The following BRIP1 variants were observed in gnomAD, a reference collection of about 807,000 sequenced individuals.
BRIP1 encodes the protein BRCA1 interacting DNA helicase 1, also known as Fanconi anemia group J protein.
In BRIP1, 88 loss-of-function variants were observed where a neutral mutation model predicts 119.7. That is an observed-to-expected ratio of 0.74 (90% CI 0.62 to 0.88). The LOEUF (loss-of-function observed/expected upper bound fraction) is 0.88, where lower values mean the gene tolerates loss of function less well. Ranked by LOEUF, BRIP1 falls within the 40% of genes least tolerant of loss-of-function variation. The pLI, the probability that BRIP1 is intolerant of heterozygous loss-of-function variation, is 0.00. For synonymous variants in BRIP1, 443 were observed against 496.5 expected (o/e 0.89, Z 1.43); for missense variants, 1,259 against 1,455.4 (o/e 0.87, Z 2.20).
Position 61,798,803 on chromosome 17 carries a change from G to A in BRIP1, c.1340+297C>T, listed in dbSNP as rs542040961. 1.7e-4 allele frequency among the ~76,000 whole-genome samples: 26 copies of A among 152,022 alleles called. No homozygotes were observed. The highest frequency in any genetic ancestry group is 2.7e-4 in the Non-Finnish European group (18 of 67,918). ...TTTAAAATATATTAATTAAAAGCAC[G>A]TTTAGTTTCTGGTTCAATATCCTAG... On this transcript the variant is annotated intron_variant, in intron 9 of 19. Coordinates refer to ENST00000259008, the MANE Select transcript of BRIP1 (RefSeq NM_032043.3). This position sits in a 1 kb window ranked among gnomAD's most constrained non-coding sequence, Gnocchi z 5.5.
In BRIP1 at chr17:61,770,714, A is replaced by G. The variant is rs1009055957; in HGVS notation, c.2097+5687T>C. 1.3e-5 allele frequency among the ~76,000 whole-genome samples: 2 copies of G among 152,194 alleles called. No homozygotes were observed. Among genetic ancestry groups the G allele is most frequent in the Non-Finnish European group, 2.9e-5 (2 of 68,026 alleles). ...ATCCAAACTACATAAGATGTTAAAT[A>G]TAATTCCTAGGACAACCACTAAGAA... On this transcript the variant is annotated intron_variant, in intron 14 of 19. Coordinates refer to ENST00000259008, the MANE Select transcript of BRIP1 (RefSeq NM_032043.3). This position sits in a 1 kb window ranked among gnomAD's most constrained non-coding sequence, Gnocchi z 4.7.
intron 10 of BRIP1, among the ~76,000 whole-genome samples, chr17:61,792,307 T>A (rs574541500): frequency 7.2e-5 from 11 of 152,192 alleles, no homozygotes; most frequent in Non-Finnish European, 1.6e-4. Context: ...AGTCTTACCA[T>A]ATAATACAAC....
At chr17:61,685,798 C>T (rs1381086832) in intron 19 of BRIP1, 38 bp downstream of exon 19, 2 of 1,498,716 alleles carry the variant, frequency 1.3e-6, no homozygotes, top group East Asian at 2.3e-5. Flanking sequence ...TAATGAAAGA[C>T]TTCTCTATCA....
In BRIP1 at chr17:61,768,803, C is replaced by A. The variant is rs575227129; in HGVS notation, c.2097+7598G>T. Among the ~76,000 whole-genome samples, 1 of 152,014 alleles carries A rather than the reference C, an allele frequency of 6.6e-6. No homozygotes were observed. The highest frequency in any genetic ancestry group is 2.1e-4 in the South Asian group (1 of 4,816). ...AGTAAAGATGAGGGGATTTTATGAA[C>A]GTAATTAAGGTCTACCTCAATTGAT... On this transcript the variant is annotated intron_variant, in intron 14 of 19. Transcript: ENST00000259008. The surrounding 1 kb of genome is among the most constrained non-coding windows in gnomAD (Gnocchi z 5.0).
At position 61,799,213 on chromosome 17, in the gene BRIP1, A is replaced by G. The variant is rs1555607150; in HGVS notation, c.1227T>C (p.Ser409=). The change falls in exon 9 of 20, where the codon AGT becomes AGC. Residue 409 remains serine (S), a synonymous_variant. Coordinates refer to ENST00000259008, the MANE Select transcript of BRIP1 (RefSeq NM_032043.3). The surrounding 1 kb of genome is among the most constrained non-coding windows in gnomAD (Gnocchi z 5.1). ...EDCARESASY[S]VTEVQLRFAR... is the part of the protein sequence containing the mutation. ...CAAACCGAAGCTGAACTTCTGTTACACTGTAACTTGCTGATTCCCGAGCAC... is the reference window on the plus strand; with the variant it reads ...CAAACCGAAGCTGAACTTCTGTTACGCTGTAACTTGCTGATTCCCGAGCAC... 5 of 1,613,564 alleles carry G rather than the reference A, an allele frequency of 3.1e-6. No individual in the cohort carries two copies. The highest frequency in any genetic ancestry group is 4.2e-6 in the Non-Finnish European group (5 of 1,179,610).
rs2061248659 is a variant in BRIP1 at position 61,679,334 on chromosome 17, T to C, written c.*3962A>G. On this transcript the variant is annotated 3_prime_UTR_variant, in exon 20 of 20. Transcript: ENST00000259008. This position sits in a 1 kb window ranked among gnomAD's most constrained non-coding sequence, Gnocchi z 4.4. ...GTGCATAGAAACATAGTAATAGTTT[T>C]ATAACACAATTCTAGACAGTTTTAA... Among the ~76,000 whole-genome samples the C allele has an allele frequency of 6.6e-6, 1 of 152,202 alleles. No individual in the cohort carries two copies. Among genetic ancestry groups the C allele is most frequent in the African/African-American group, 2.4e-5 (1 of 41,460 alleles).
Position 61,828,110 on chromosome 17 carries a change from T to G in BRIP1, c.627+18991A>C, listed in dbSNP as rs1363816104. Among the ~76,000 whole-genome samples the G allele has an allele frequency of 6.6e-6, 1 of 152,150 alleles. No homozygotes were observed. Among genetic ancestry groups the G allele is most frequent in the Non-Finnish European group, 1.5e-5 (1 of 68,030 alleles). Reference sequence around the variant, plus strand: ...CTCAAACAGATACGTACACCAATGTTCACAGCAGCATTATTCAAAATAGCA... The same window carrying G: ...CTCAAACAGATACGTACACCAATGTGCACAGCAGCATTATTCAAAATAGCA... On this transcript the variant is annotated intron_variant, in intron 6 of 19. Transcript: ENST00000259008. The surrounding 1 kb of genome is among the most constrained non-coding windows in gnomAD (Gnocchi z 4.1).
At chr17:61,838,478 G>A (rs1056723509) in intron 6 of BRIP1, among the ~76,000 whole-genome samples, 7 of 151,562 alleles carry the variant, frequency 4.6e-5, no homozygotes, top group East Asian at 3.9e-4. Context: ...CCCAGGAGGC[G>A]GAACTTGCAG....
chr17:61,853,075 A>G lies in BRIP1; in HGVS notation c.380-3819T>C, dbSNP rs1478005834. ...ATTAAACAATACTGAAAACAACCCA[A>G]TGCCTAACAACTGTAGAACAGATTA... On this transcript the variant is annotated intron_variant, in intron 4 of 19. Coordinates refer to ENST00000259008, the MANE Select transcript of BRIP1 (RefSeq NM_032043.3). The surrounding 1 kb of genome is among the most constrained non-coding windows in gnomAD (Gnocchi z 4.3). Among the ~76,000 whole-genome samples the G allele has an allele frequency of 6.6e-6, 1 of 152,224 alleles. No individual in the cohort carries two copies. The highest frequency in any genetic ancestry group is 1.5e-5 in the Non-Finnish European group (1 of 68,042).
chr17:61,784,339 CTAA>C lies in BRIP1; in HGVS notation c.1556_1558del (p.Ile519del), dbSNP rs1228125213. ...TTTAAGCATTATTTGAGTTGATGCA[CTAA>C]TAACAGGTACTTCTCTTGCCTCCTC... On this transcript the variant is annotated inframe_deletion, in exon 11 of 20. Coordinates refer to ENST00000259008, the MANE Select transcript of BRIP1 (RefSeq NM_032043.3). 6.2e-7 allele frequency: 1 copy of C among 1,613,048 alleles called. No homozygotes were observed. Among genetic ancestry groups the C allele is most frequent in the Non-Finnish European group, 8.5e-7 (1 of 1,179,266 alleles).
At chr17:61,847,323 CA>C (rs992165383) in intron 5 of BRIP1, 103 bp from the exon 6 acceptor site, 8 of 1,245,788 alleles carry the variant, frequency 6.4e-6, no homozygotes, top group Non-Finnish European at 8.1e-6. Context: ...TTCCTGCATC[CA>C]AAAAAAGACT....
intron 16 of BRIP1, among the ~76,000 whole-genome samples, chr17:61,731,961 TTTTCTTTCTTTC>T (rs1188482035): frequency 2.7e-5 from 4 of 148,542 alleles, no homozygotes; most frequent in Non-Finnish European, 5.9e-5. Flanking sequence ...GCTTTTTTTC[TTTTCTTTCTTTC>T]TTTCTTTCTT....
Position 61,799,013 on chromosome 17 carries a change from G to A in BRIP1, c.1340+87C>T. The A allele has an allele frequency of 6.6e-6, 9 of 1,359,084 alleles. No individual in the cohort carries two copies. The highest frequency in any genetic ancestry group is 8.4e-6 in the Non-Finnish European group (8 of 955,322). The allele number at this position is 1,359,084 out of a possible 1,614,324, so 84.2% of individuals were successfully genotyped here. On this transcript the variant is annotated intron_variant, in intron 9 of 19. Coordinates refer to ENST00000259008, the MANE Select transcript of BRIP1 (RefSeq NM_032043.3). The surrounding 1 kb of genome is among the most constrained non-coding windows in gnomAD (Gnocchi z 5.1). ...TTCCCAAGAAGCCTAGTTAACCAAA[G>A]TTTACTAACTTTAAATACTCTGGCA...
chr17:61,714,112 A>ACACTGCATT (rs1171117414), intron 17 of BRIP1, among the ~76,000 whole-genome samples: 1 of 152,170 alleles, frequency 6.6e-6, no homozygotes, highest in Non-Finnish European at 1.5e-5. Context: ...GGTGTTCGAG[A>ACACTGCATT]CCAGCCTGGG....
rs2077422524 is a variant in BRIP1, at chr17:61,769,848, T to C, written c.2097+6553A>G. On this transcript the variant is annotated intron_variant, in intron 14 of 19. Transcript: ENST00000259008. This position sits in a 1 kb window ranked among gnomAD's most constrained non-coding sequence, Gnocchi z 4.9. ...ATAGTTAAAAGATAATATTGATGAATTGCTGGAGATAAAATGTGAACTAGT... is the reference window on the plus strand; with the variant it reads ...ATAGTTAAAAGATAATATTGATGAACTGCTGGAGATAAAATGTGAACTAGT... Among the ~76,000 whole-genome samples, 1 of 152,118 alleles carries C rather than the reference T, an allele frequency of 6.6e-6. No individual in the cohort carries two copies.
rs114410255 is a variant in BRIP1, at chr17:61,705,663, T to G, written c.2492+10288A>C. Among the ~76,000 whole-genome samples, 380 of 152,306 alleles carry G rather than the reference T, an allele frequency of 2.5e-3. 2 individuals are homozygous for G. The highest frequency in any genetic ancestry group is 8.8e-3 in the African/African-American group (364 of 41,588). On this transcript the variant is annotated intron_variant, in intron 17 of 19. Coordinates refer to ENST00000259008, the MANE Select transcript of BRIP1 (RefSeq NM_032043.3). This position sits in a 1 kb window ranked among gnomAD's most constrained non-coding sequence, Gnocchi z 5.0. ...AACTAAGATCAATGATTTGAGGATG[T>G]TTTTTCCTAAAATAAGCATTTAATG...
In BRIP1 at chr17:61,849,112, C is replaced by A. The variant is rs1750487043; in HGVS notation, c.507+17G>T. 6.2e-7 allele frequency: 1 copy of A among 1,612,932 alleles called. No individual in the cohort carries two copies. Among genetic ancestry groups the A allele is most frequent in the African/African-American group, 1.3e-5 (1 of 74,848 alleles). ...TGTAACTAACTGGGTTATTTACTGC[C>A]AATAAACTCTGTTTACCTGCTGTGT... On this transcript the variant is annotated intron_variant, in intron 5 of 19. Transcript: ENST00000259008.
At position 61,683,085 on chromosome 17, in the gene BRIP1, C is replaced by T; in HGVS notation, c.*211G>A. On this transcript the variant is annotated 3_prime_UTR_variant, in exon 20 of 20. Coordinates refer to ENST00000259008, the MANE Select transcript of BRIP1 (RefSeq NM_032043.3). The surrounding 1 kb of genome is among the most constrained non-coding windows in gnomAD (Gnocchi z 4.7). The stretch of plus-strand genomic sequence containing the variant: ...GGTGAAGGTTGCAGTGAGCCCAGAG[C>T]ACACCACTGCATTCCAGCCTGGGCA... The T allele has an allele frequency of 1.8e-6, 1 of 548,782 alleles. No individual in the cohort carries two copies. Among genetic ancestry groups the T allele is most frequent in the Non-Finnish European group, 3.1e-6 (1 of 317,522 alleles). The allele number at this position is 548,782 out of a possible 1,614,324, so 34.0% of individuals were successfully genotyped here. A position where few individuals can be genotyped will look rare whatever the true frequency, so the allele number is the denominator to read the frequency against.
At chr17:61,731,879 G>T in intron 16 of BRIP1, among the ~76,000 whole-genome samples, 1 of 144,592 alleles carries the variant, frequency 6.9e-6, no homozygotes, top group African/African-American at 2.6e-5. Context: ...TGTCCCCTGA[G>T]TCTATTATAA....
Sources: allele counts gnomAD v4.1 joint callset (sites outside exome capture counted in the v4.1 genomes callset), GRCh38; gene constraint gnomAD v4.1.1; non-coding constraint Gnocchi (gnomAD v3.1); transcripts MANE v1.5; gene names NCBI Gene and HGNC (gene_info 2026-07-23, HGNC 2026-07-21).